The following ZHX2 variants were observed in gnomAD, a reference collection of about 807,000 sequenced individuals.
ZHX2 encodes zinc fingers and homeoboxes protein 2.
Under a neutral mutation model 21.9 loss-of-function variants are expected in ZHX2, and 6 were observed. The ratio of observed to expected loss-of-function variants is 0.27; its 90% CI spans 0.15 to 0.54. The LOEUF (loss-of-function observed/expected upper bound fraction) is 0.54, where lower values mean the gene tolerates loss of function less well. ZHX2 is among the 20% of genes least tolerant of loss of function. ZHX2 has a pLI of 0.95. For synonymous variants in ZHX2, 434 were observed against 437.1 expected, an observed-to-expected ratio of 0.99 and a Z score of 0.09; for missense variants, 908 against 1,090.7, an observed-to-expected ratio of 0.83 and a Z score of 2.36.
chr8:122,875,132 TATATATATATATATATATATATATATA>T (rs1563763639), intron 2 of ZHX2, among the ~76,000 whole-genome samples: 13,701 of 96,662 alleles, frequency 0.14, 2,513 homozygotes, highest in South Asian at 0.17. Flanking sequence ...AACTCTGTTA[TATATATATATATATATATATATATATA>T]TATATATATA....
Position 122,882,138 on chromosome 8 carries a change from C to T in ZHX2, c.-220+18599C>T, listed in dbSNP as rs117940821. Among the ~76,000 whole-genome samples, 645 of 152,292 alleles carry T rather than the reference C, an allele frequency of 4.2e-3. 4 individuals carry two copies. Among genetic ancestry groups the T allele is most frequent in the Non-Finnish European group, 6.6e-3 (452 of 68,014 alleles). On this transcript the variant is annotated intron_variant, in intron 2 of 3. Transcript: ENST00000314393. ...TAATCAGACTCAAAATTGCCAGCTC[C>T]TTGTCTTAATCTGCCCCTGAGATAC...
chr8:122,902,131 A>T (rs980974398), intron 2 of ZHX2, among the ~76,000 whole-genome samples: 3 of 152,218 alleles, frequency 2.0e-5, no homozygotes, highest in Non-Finnish European at 4.4e-5. Context: ...GGAATCGGAA[A>T]GTAACTGGAA....
rs375028357 is a variant in ZHX2, at chr8:122,951,634, G to A, written c.124G>A (p.Val42Met). The change falls in exon 3 of 4, where the codon GTG (valine) becomes ATG (methionine). Residue 42 changes from valine to methionine, a missense_variant. Transcript: ENST00000314393. ...AGGAATCGGCACACCACAGCCTGACGTGGCCAAGGACAGTTGGGCAGCAGA... is the reference window on the plus strand; with the variant it reads ...AGGAATCGGCACACCACAGCCTGACATGGCCAAGGACAGTTGGGCAGCAGA... ...EKGIGTPQPD[V>M]AKDSWAAELE... 24 of 1,614,030 alleles carry A rather than the reference G, an allele frequency of 1.5e-5. No homozygotes were observed. Among genetic ancestry groups the A allele is most frequent in the Admixed American group, 3.3e-5 (2 of 59,984 alleles).
chr8:122,967,458 G>T (rs570257066), intron 3 of ZHX2, among the ~76,000 whole-genome samples: 1 of 152,330 alleles, frequency 6.6e-6, no homozygotes, highest in East Asian at 1.9e-4. Context: ...TGGGCTCCAG[G>T]CTGGTGCTGG....
chr8:122,838,697 C>G (rs1018168882), intron 1 of ZHX2, among the ~76,000 whole-genome samples: 14 of 151,352 alleles, frequency 9.2e-5, no homozygotes, highest in Admixed American at 8.6e-4. Flanking sequence ...CCTGCCTCAG[C>G]CTCCCGAGTA....
At chr8:122,850,225 C>T (rs1003524446) in intron 1 of ZHX2, among the ~76,000 whole-genome samples, 3 of 152,174 alleles carry the variant, frequency 2.0e-5, no homozygotes, top group African/African-American at 7.2e-5. Context: ...CACCCCCCCT[C>T]AGGTGCCCTT....
At chr8:122,890,585 A>G (rs566017752) in intron 2 of ZHX2, among the ~76,000 whole-genome samples, 1 of 152,288 alleles carries the variant, frequency 6.6e-6, no homozygotes, top group East Asian at 1.9e-4. Flanking sequence ...CTTCTAATCC[A>G]TGAATATGAA....
In ZHX2 at chr8:122,953,265, C is replaced by T; in HGVS notation, c.1755C>T (p.Asp585=). Residue 585 remains aspartate, a synonymous_variant, in exon 3 of 4, where the codon GAC becomes GAT. Coordinates refer to ENST00000314393, the MANE Select transcript of ZHX2 (RefSeq NM_014943.5). The surrounding 1 kb of genome is among the most constrained non-coding windows in gnomAD (Gnocchi z 4.6). The stretch of plus-strand genomic sequence containing the variant: ...TCTCGGAGAGGCGGAAGCTTCGAGA[C>T]AGCATGGAACAAGCTGTCTTGGATT... ...SWFSERRKLR[D]SMEQAVLDSM... is the part of the protein sequence containing the mutation. 2 of 1,613,978 alleles carry T rather than the reference C, an allele frequency of 1.2e-6. No homozygotes were observed. The highest frequency in any genetic ancestry group is 1.7e-6 in the Non-Finnish European group (2 of 1,180,018).
chr8:122,934,677 T>G (rs7462467), intron 2 of ZHX2, among the ~76,000 whole-genome samples: 1 of 151,670 alleles, frequency 6.6e-6, no homozygotes, highest in East Asian at 1.9e-4. Context: ...CTTCCTGCCT[T>G]CCTTCCCTCC....
chr8:122,967,438 G>A (rs778112131), intron 3 of ZHX2, among the ~76,000 whole-genome samples: 13 of 152,326 alleles, frequency 8.5e-5, no homozygotes, highest in Non-Finnish European at 1.8e-4. Flanking sequence ...TAGCCACCCA[G>A]TGGGGCTGCT....
chr8:122,900,278 C>T (rs1296275919), intron 2 of ZHX2, among the ~76,000 whole-genome samples: 1 of 152,156 alleles, frequency 6.6e-6, no homozygotes, highest in Non-Finnish European at 1.5e-5. Context: ...GCTACTTACA[C>T]TCATGGTGAA....
intron 1 of ZHX2, among the ~76,000 whole-genome samples, chr8:122,835,540 G>T (rs1272994904): frequency 6.6e-6 from 1 of 152,188 alleles, no homozygotes; most frequent in African/African-American, 2.4e-5. Flanking sequence ...TTACTGAGAA[G>T]ATGGCGACTG....
chr8:122,898,491 T>G (rs1820150388), intron 2 of ZHX2, among the ~76,000 whole-genome samples: 1 of 152,230 alleles, frequency 6.6e-6, no homozygotes, highest in South Asian at 2.1e-4. Context: ...GAAGTTTGCA[T>G]GCCTAAATTT....
At chr8:122,972,318 C>T (rs1277058370) in intron 3 of ZHX2, among the ~76,000 whole-genome samples, 2 of 152,162 alleles carry the variant, frequency 1.3e-5, no homozygotes, top group African/African-American at 4.8e-5. Flanking sequence ...GACACCATTC[C>T]ACCTATAATA....
rs190267897 is a variant in ZHX2 at position 122,854,293 on chromosome 8, C to G, written c.-282-9184C>G. ...CTTGTACGAATGCAGCTTTTCTGGCCCTTGGTTCCATCATCTACAACATGA... is the reference window on the plus strand; with the variant it reads ...CTTGTACGAATGCAGCTTTTCTGGCGCTTGGTTCCATCATCTACAACATGA... On this transcript the variant is annotated intron_variant, in intron 1 of 3. Coordinates refer to ENST00000314393, the MANE Select transcript of ZHX2 (RefSeq NM_014943.5). Among the ~76,000 whole-genome samples, 617 of 152,294 alleles carry G rather than the reference C, an allele frequency of 4.1e-3. 1 individual carries two copies. The highest frequency in any genetic ancestry group is 7.2e-3 in the Non-Finnish European group (488 of 68,022).
intron 1 of ZHX2, among the ~76,000 whole-genome samples, chr8:122,799,799 A>C (rs34850301): frequency 0.088 from 13,369 of 152,302 alleles, 718 homozygotes; most frequent in South Asian, 0.14. Flanking sequence ...CTCAGCCCTC[A>C]GCCTTTGCTT....
rs113106929 is a variant in ZHX2, at chr8:122,782,191, AT to A, written c.-283+255del. The stretch of plus-strand genomic sequence containing the variant: ...TGAGCGGATACAGAGAGGGAAGAAG[AT>A]TTTTTTTTTAAGAGTTTTGATTACA... On this transcript the variant is annotated intron_variant, in intron 1 of 3. Coordinates refer to ENST00000314393, the MANE Select transcript of ZHX2 (RefSeq NM_014943.5). This position sits in a 1 kb window ranked among gnomAD's most constrained non-coding sequence, Gnocchi z 5.3. 0.013 allele frequency among the ~76,000 whole-genome samples: 1,924 copies of A among 148,958 alleles called. 38 individuals carry two copies. Among genetic ancestry groups the A allele is most frequent in the African/African-American group, 0.043 (1,747 of 40,548 alleles).
In ZHX2 at chr8:122,956,753, A is replaced by G. The variant is rs113606205; in HGVS notation, c.*4+2725A>G. 8.7e-3 allele frequency among the ~76,000 whole-genome samples: 1,323 copies of G among 152,304 alleles called. 11 individuals are homozygous for G. The highest frequency in any genetic ancestry group is 0.028 in the African/African-American group (1,159 of 41,550). ...AACGAGTTATGTTTGCTGAATTTGA[A>G]TAGAAAGATGCTTAGTGTCTCTGTA... On this transcript the variant is annotated intron_variant, in intron 3 of 3. Coordinates refer to ENST00000314393, the MANE Select transcript of ZHX2 (RefSeq NM_014943.5).
chr8:122,863,772 G>C (rs1002729300), intron 2 of ZHX2, among the ~76,000 whole-genome samples: 4 of 152,152 alleles, frequency 2.6e-5, no homozygotes, highest in Non-Finnish European at 4.4e-5. Context: ...TAGCTGGACT[G>C]TCCTCCCTCT....
Sources: allele counts gnomAD v4.1 joint callset (sites outside exome capture counted in the v4.1 genomes callset), GRCh38; gene constraint gnomAD v4.1.1; non-coding constraint Gnocchi (gnomAD v3.1); transcripts MANE v1.5; gene names NCBI Gene and HGNC (gene_info 2026-07-23, HGNC 2026-07-21).